Variants in KNL1 observed in about 807,000 individuals in gnomAD.
KNL1 encodes outer kinetochore KNL1 complex subunit KNL1.
KNL1 carries 66 observed loss-of-function variants against 201.3 expected under a neutral mutation model. The observed-to-expected ratio is 0.33, with a 90% CI of 0.27 to 0.40. The LOEUF (loss-of-function observed/expected upper bound fraction) is 0.40, where lower values mean the gene tolerates loss of function less well. Among genes scored for constraint, KNL1 ranks in the 10% least tolerant of loss-of-function variants. KNL1 has a pLI of 1.00. For missense variants in KNL1, 2,815 were observed against 2,690.5 expected (o/e 1.05, Z -1.02); for synonymous variants, 895 against 899.2 (o/e 1.00, Z 0.08).
chr15:40,604,012 G>A (rs1391623192), intron 2 of KNL1, among the ~76,000 whole-genome samples: 2 of 152,106 alleles, frequency 1.3e-5, no homozygotes, highest in African/African-American at 2.4e-5. Flanking sequence ...GTGGGGAGGT[G>A]CTTTTGCCCC....
chr15:40,645,043 A>T lies in KNL1; in HGVS notation c.5845A>T (p.Asn1949Tyr), dbSNP rs1893344628. 2 of 1,612,420 alleles carry T rather than the reference A, an allele frequency of 1.2e-6. No individual in the cohort carries two copies. Among genetic ancestry groups the T allele is most frequent in the African/African-American group, 2.7e-5 (2 of 74,892 alleles). Residue 1949 changes from asparagine to tyrosine, a missense_variant, in exon 15 of 26, where the codon AAT becomes TAT. Transcript: ENST00000399668. Reference protein sequence around the residue: ...SNQDKLLVDINKNLWEKMRHC... With the variant: ...SNQDKLLVDIYKNLWEKMRHC... ...CCAAGATAAGCTGTTGGTTGATATA[A>T]ATAAGAACCTGTGGGAAAAAATGAG...
Position 40,620,928 on chromosome 15 carries a change from T to C in KNL1, c.664T>C (p.Leu222=), listed in dbSNP as rs767587849. The change falls in exon 10 of 26, where the codon TTG becomes CTG. Residue 222 remains leucine (L), a synonymous_variant. Coordinates refer to ENST00000399668, the MANE Select transcript of KNL1 (RefSeq NM_144508.5). ...AGATTTCAATGACTTCATAAAAAGA[T>C]TGAAAACAGGAAAATGTAGTGCTTT... ...KIDFNDFIKR[L]KTGKCSAFPD... is the part of the protein sequence containing the mutation. 1 of 1,602,560 alleles carries C rather than the reference T, an allele frequency of 6.2e-7. No homozygotes were observed. Among genetic ancestry groups the C allele is most frequent in the Admixed American group, 1.8e-5 (1 of 55,838 alleles).
chr15:40,645,614 C>T (rs375193050), intron 15 of KNL1, 42 bp from the exon 16 acceptor site: 148 of 1,094,156 alleles, frequency 1.4e-4, no homozygotes, highest in East Asian at 3.7e-4. Flanking sequence ...TCTTCTGACT[C>T]GTTTGTTTTA....
intron 13 of KNL1, among the ~76,000 whole-genome samples, chr15:40,638,469 C>G (rs1893123869): frequency 6.6e-6 from 1 of 152,032 alleles, no homozygotes; most frequent in South Asian, 2.1e-4. Context: ...GCCACTGTGC[C>G]CAGGTCTGCC....
chr15:40,602,480 C>CT (rs34192317), intron 1 of KNL1, among the ~76,000 whole-genome samples: 25,936 of 79,440 alleles, frequency 0.33, 4,242 homozygotes, highest in South Asian at 0.41. Context: ...TTTTTCCTTC[C>CT]TTTTTTTTTT....
chr15:40,649,332 G>C (rs991261470), intron 17 of KNL1, among the ~76,000 whole-genome samples: 1 of 151,814 alleles, frequency 6.6e-6, no homozygotes, highest in Non-Finnish European at 1.5e-5. Context: ...ATCTCTCTCT[G>C]TCACCCAGGC....
intron 9 of KNL1, among the ~76,000 whole-genome samples, chr15:40,620,306 C>G (rs998396974): frequency 2.6e-5 from 4 of 151,736 alleles, no homozygotes; most frequent in African/African-American, 9.7e-5. Flanking sequence ...CCCAGGTTCA[C>G]ACCATTCTCC....
Position 40,621,495 on chromosome 15 carries a change from A to G in KNL1, c.1231A>G (p.Met411Val), listed in dbSNP as rs1892525347. 3 of 1,613,916 alleles carry G rather than the reference A, an allele frequency of 1.9e-6. No individual in the cohort carries two copies. Among genetic ancestry groups the G allele is most frequent in the Admixed American group, 1.7e-5 (1 of 60,000 alleles). Residue 411 changes from methionine to valine, a missense_variant, in exon 10 of 26, where the codon ATG (methionine) becomes GTG (valine). Met to Val is a conservative substitution (Grantham distance 21). Coordinates refer to ENST00000399668, the MANE Select transcript of KNL1 (RefSeq NM_144508.5). ...TAATCAGGATGCCAGAATATTAGCC[A>G]TGACCCCAGAATCTATATATTCTAA... ...TCNQDARILA[M>V]TPESIYSNPS...
At chr15:40,661,646 A>C (rs1363339805) in intron 25 of KNL1, among the ~76,000 whole-genome samples, 1 of 152,246 alleles carries the variant, frequency 6.6e-6, no homozygotes, top group Non-Finnish European at 1.5e-5. Flanking sequence ...CAAACTGGAT[A>C]TCTGGTTATT....
intron 8 of KNL1, among the ~76,000 whole-genome samples, chr15:40,617,862 G>A (rs1402252615): frequency 1.3e-5 from 2 of 151,302 alleles, no homozygotes; most frequent in African/African-American, 4.9e-5. Context: ...TTATACCTTA[G>A]TAGACATTTG....
chr15:40,662,275 TCATTA>T lies in KNL1; in HGVS notation c.*90_*94del. The T allele has an allele frequency of 1.3e-6, 1 of 757,664 alleles. No homozygotes were observed. The highest frequency in any genetic ancestry group is 2.1e-5 in the Admixed American group (1 of 48,512). 46.9% of individuals were successfully genotyped at this position (757,664 alleles called of 1,614,324 possible). ...TTGCTGTTCAGCCTTTGTTTTTACG[TCATTA>T]CAAGCTGAGTAAAATTCCTTCTGAT... On this transcript the variant is annotated 3_prime_UTR_variant, in exon 26 of 26. Transcript: ENST00000399668.
chr15:40,610,993 G>T (rs971777626), intron 6 of KNL1: 30 of 316,554 alleles, frequency 9.5e-5, no homozygotes, highest in Non-Finnish European at 1.7e-4. Flanking sequence ...CAAGTGATCC[G>T]CCTGCCTTGG....
intron 25 of KNL1, among the ~76,000 whole-genome samples, chr15:40,660,556 C>T (rs941444804): frequency 5.4e-5 from 8 of 148,520 alleles, no homozygotes; most frequent in Admixed American, 2.7e-4. Flanking sequence ...ATCCCAGCTA[C>T]TGGGGAGGCT....
chr15:40,630,285 A>G, intron 13 of KNL1, among the ~76,000 whole-genome samples: 1 of 152,222 alleles, frequency 6.6e-6, no homozygotes, highest in Non-Finnish European at 1.5e-5. Context: ...GACATTTCCA[A>G]AAGTTAGTTA....
At chr15:40,632,928 A>G (rs1892954619) in intron 13 of KNL1, among the ~76,000 whole-genome samples, 1 of 152,194 alleles carries the variant, frequency 6.6e-6, no homozygotes, top group African/African-American at 2.4e-5. Context: ...GACCCAATTT[A>G]AAAATGATCA....
chr15:40,629,535 G>A (rs575202101), intron 13 of KNL1, among the ~76,000 whole-genome samples, 164 bp downstream of exon 13: 4 of 107,340 alleles, frequency 3.7e-5, no homozygotes, highest in Admixed American at 1.5e-4. Context: ...ATGGAGTCTC[G>A]CTCTGTTGCC....
In KNL1 at chr15:40,603,432, T is replaced by G. The variant is rs140236638; in HGVS notation, c.35+466T>G. Among the ~76,000 whole-genome samples the G allele has an allele frequency of 1.4e-4, 22 of 152,272 alleles. No individual in the cohort carries two copies. In the East Asian group the frequency reaches 4.2e-3, roughly 29 times the overall value. On this transcript the variant is annotated intron_variant, in intron 2 of 25. Coordinates refer to ENST00000399668, the MANE Select transcript of KNL1 (RefSeq NM_144508.5). Reference sequence around the variant, plus strand: ...GTACATGAACTCATCCAAAAAGAAGTAGATGTTACAGACTCATAGCTTTCC... The same window carrying G: ...GTACATGAACTCATCCAAAAAGAAGGAGATGTTACAGACTCATAGCTTTCC...
chr15:40,633,296 GC>G (rs1171046159), intron 13 of KNL1, among the ~76,000 whole-genome samples: 1 of 138,012 alleles, frequency 7.2e-6, no homozygotes, highest in African/African-American at 2.8e-5. Flanking sequence ...GGGCGACAGA[GC>G]GAAACTCTGT....
chr15:40,632,858 TA>T (rs1398524490), intron 13 of KNL1, among the ~76,000 whole-genome samples: 1 of 151,078 alleles, frequency 6.6e-6, no homozygotes, highest in African/African-American at 2.4e-5. Flanking sequence ...CATCTCTATT[TA>T]AATAAATAAA....
Sources: gnomAD v4.1 joint callset for allele counts (sites outside exome capture counted in the v4.1 genomes callset) on GRCh38, gnomAD v4.1.1 for gene constraint, MANE v1.5 for transcripts, NCBI Gene and HGNC (gene_info 2026-07-23, HGNC 2026-07-21) for gene names.